ARPP19: variants seen among roughly 807,000 people sequenced by gnomAD.
ARPP19 encodes the protein cAMP regulated phosphoprotein 19, also known as cAMP-regulated phosphoprotein 19.
ARPP19 carries 8 observed loss-of-function variants against 12.0 expected under a neutral mutation model. That is an observed-to-expected ratio of 0.67 (90% CI 0.39 to 1.21). The LOEUF (loss-of-function observed/expected upper bound fraction) is 1.21, where lower values mean the gene tolerates loss of function less well. ARPP19 is among the 50% of genes most tolerant of loss of function. The pLI, the probability that ARPP19 is intolerant of heterozygous loss-of-function variation, is 0.01. For synonymous variants in ARPP19, 47 were observed against 50.4 expected (o/e 0.93, Z 0.29); for missense variants, 102 against 136.3 (o/e 0.75, Z 1.25).
At chr15:52,566,479 T>G (rs2078083261) in intron 1 of ARPP19, among the ~76,000 whole-genome samples, 1 of 152,164 alleles carries the variant, frequency 6.6e-6, no homozygotes, top group African/African-American at 2.4e-5. Flanking sequence ...TAAAAAATAT[T>G]TTAAAAGTAG....
chr15:52,548,068 A>AT lies in ARPP19; in HGVS notation c.*3865dup, dbSNP rs1181976739. 1 of 152,238 alleles carries AT rather than the reference A, an allele frequency of 6.6e-6. No homozygotes were observed. The highest frequency in any genetic ancestry group is 2.4e-5 in the African/African-American group (1 of 41,460). The allele number at this position is 152,238 out of a possible 1,614,324, so 9.4% of individuals were successfully genotyped here. ...CCTGCTTCTGATCACCCAAACACCA[A>AT]TTTTAGAGCAGAGGAGCAGTAATCC... On this transcript the variant is annotated 3_prime_UTR_variant, in exon 3 of 3. Transcript: ENST00000249822.
intron 2 of ARPP19, among the ~76,000 whole-genome samples, chr15:52,552,476 T>A: frequency 6.7e-6 from 1 of 150,198 alleles, no homozygotes; most frequent in Non-Finnish European, 1.5e-5. Context: ...TAACTCCAGC[T>A]ACTCCAGAGG....
chr15:52,547,517 A>G lies in ARPP19; in HGVS notation c.*4417T>C, dbSNP rs984665048. ...CGATTTAGTTGAAAAATAACATAAT[A>G]CAAACATATATTAATGGCTATCAAG... On this transcript the variant is annotated 3_prime_UTR_variant, in exon 3 of 3. Coordinates refer to ENST00000249822, the MANE Select transcript of ARPP19 (RefSeq NM_006628.6). 2.6e-5 allele frequency: 4 copies of G among 152,240 alleles called. No individual in the cohort carries two copies. Among genetic ancestry groups the G allele is most frequent in the African/African-American group, 9.6e-5 (4 of 41,456 alleles). 9.4% of individuals were successfully genotyped at this position (152,240 alleles called of 1,614,324 possible). A position where few individuals can be genotyped will look rare whatever the true frequency, so the allele number is the denominator to read the frequency against.
rs761292413 is a variant in ARPP19 at position 52,564,187 on chromosome 15, T to C, written c.45+4661A>G. On this transcript the variant is annotated intron_variant, in intron 1 of 2. Transcript: ENST00000249822. ...AACATTTAAAAACTTTTCTGAGGTTTACCTCTAGGCTGTTAGGAATCGATG... is the reference window on the plus strand; with the variant it reads ...AACATTTAAAAACTTTTCTGAGGTTCACCTCTAGGCTGTTAGGAATCGATG... 19 of 1,529,990 alleles carry C rather than the reference T, an allele frequency of 1.2e-5. No homozygotes were observed. In the South Asian group the frequency reaches 2.0e-4, roughly 16 times the overall value. The allele number at this position is 1,529,990 out of a possible 1,614,324, so 94.8% of individuals were successfully genotyped here. A position where few individuals can be genotyped will look rare whatever the true frequency, so the allele number is the denominator to read the frequency against.
Position 52,547,052 on chromosome 15 carries a change from C to T in ARPP19, c.*4882G>A, listed in dbSNP as rs1382643885. 5 of 148,262 alleles carry T rather than the reference C, an allele frequency of 3.4e-5. No homozygotes were observed. Among genetic ancestry groups the T allele is most frequent in the African/African-American group, 1.2e-4 (5 of 40,270 alleles). 9.2% of individuals were successfully genotyped at this position (148,262 alleles called of 1,614,324 possible). On this transcript the variant is annotated 3_prime_UTR_variant, in exon 3 of 3. Coordinates refer to ENST00000249822, the MANE Select transcript of ARPP19 (RefSeq NM_006628.6). ...AAATAAGATGAAAAAGACTCACAAT[C>T]TGCAAACATTTAATCCTACCTTAAG...
At chr15:52,566,929 T>A (rs1184269804) in intron 1 of ARPP19, among the ~76,000 whole-genome samples, 1 of 152,070 alleles carries the variant, frequency 6.6e-6, no homozygotes, top group African/African-American at 2.4e-5. Flanking sequence ...TCTACCTTAA[T>A]TCTTTAGCGG....
chr15:52,556,665 A>G (rs923796797), intron 2 of ARPP19, among the ~76,000 whole-genome samples: 1 of 152,190 alleles, frequency 6.6e-6, no homozygotes, highest in African/African-American at 2.4e-5. Context: ...AAGTTTCAAA[A>G]TATGGGCAGA....
chr15:52,558,839 G>A (rs2078007003), intron 1 of ARPP19, among the ~76,000 whole-genome samples: 1 of 151,534 alleles, frequency 6.6e-6, no homozygotes, highest in Admixed American at 6.6e-5. Context: ...TACCCACGGG[G>A]GGGAAAAAAT....
chr15:52,552,752 T>C (rs1249879864), intron 2 of ARPP19, among the ~76,000 whole-genome samples: 1 of 152,148 alleles, frequency 6.6e-6, no homozygotes, highest in Non-Finnish European at 1.5e-5. Flanking sequence ...GGTGAAACAC[T>C]TGCTTAAATT....
In ARPP19 at chr15:52,552,541, T is replaced by C. The variant is rs192505371; in HGVS notation, c.169-437A>G. Among the ~76,000 whole-genome samples the C allele has an allele frequency of 4.9e-3, 687 of 139,592 alleles. 7 individuals carry two copies. Among genetic ancestry groups the C allele is most frequent in the African/African-American group, 0.018 (646 of 35,394 alleles). The allele number at this position is 139,592 out of a possible 152,430, so 91.6% of individuals were successfully genotyped here. A position where few individuals can be genotyped will look rare whatever the true frequency, so the allele number is the denominator to read the frequency against. On this transcript the variant is annotated intron_variant, in intron 2 of 2. Coordinates refer to ENST00000249822, the MANE Select transcript of ARPP19 (RefSeq NM_006628.6). ...AGGTGGAGGCTGCAGTGAGCCAAGA[T>C]TGCCCCACTGCACTCCAGCCTGGGC...
intron 1 of ARPP19, among the ~76,000 whole-genome samples, chr15:52,561,024 C>T (rs192574898): frequency 1.3e-5 from 2 of 152,210 alleles, no homozygotes; most frequent in African/African-American, 2.4e-5. Flanking sequence ...TAATTTGTAA[C>T]CTTATTCCCT....
At position 52,547,994 on chromosome 15, in the gene ARPP19, C is replaced by T. The variant is rs931729825; in HGVS notation, c.*3940G>A. 1.0e-4 allele frequency: 15 copies of T among 149,868 alleles called. No homozygotes were observed. The highest frequency in any genetic ancestry group is 3.4e-4 in the African/African-American group (14 of 40,882). 9.3% of individuals were successfully genotyped at this position (149,868 alleles called of 1,614,324 possible). On this transcript the variant is annotated 3_prime_UTR_variant, in exon 3 of 3. Coordinates refer to ENST00000249822, the MANE Select transcript of ARPP19 (RefSeq NM_006628.6). ...TTGAACATTGGAGAATGTGAAAAGG[C>T]CACCAAACTGCTTTAGTTATCACTC...
rs2141711369 is a variant in ARPP19 at position 52,547,562 on chromosome 15, A to AT, written c.*4371dup. The AT allele has an allele frequency of 1.3e-5, 2 of 152,372 alleles. No individual in the cohort carries two copies. Among genetic ancestry groups the AT allele is most frequent in the South Asian group, 4.1e-4 (2 of 4,830 alleles). The allele number at this position is 152,372 out of a possible 1,614,324, so 9.4% of individuals were successfully genotyped here. A position where few individuals can be genotyped will look rare whatever the true frequency, so the allele number is the denominator to read the frequency against. On this transcript the variant is annotated 3_prime_UTR_variant, in exon 3 of 3. Transcript: ENST00000249822. ...ATCAAGACCAGCAGTGATCTGCAGA[A>AT]TACCTAGAGGCCTACCTAATTAGAA...
intron 1 of ARPP19, among the ~76,000 whole-genome samples, chr15:52,563,174 A>G (rs897711391): frequency 2.0e-5 from 3 of 152,142 alleles, no homozygotes; most frequent in Non-Finnish European, 4.4e-5. Context: ...GTGAAGAAGT[A>G]TTTTTTATGA....
intron 1 of ARPP19, among the ~76,000 whole-genome samples, chr15:52,567,343 A>G (rs1283117182): frequency 6.6e-6 from 1 of 152,234 alleles, no homozygotes; most frequent in East Asian, 1.9e-4. Flanking sequence ...AAGTAAAAGT[A>G]TTTACACTCT....
rs1461873882 is a variant in ARPP19 at position 52,562,731 on chromosome 15, G to A, written c.46-5509C>T. 3.9e-5 allele frequency among the ~76,000 whole-genome samples: 6 copies of A among 152,090 alleles called. No individual in the cohort carries two copies. The East Asian group carries it at 1.2e-3, about 29-fold the overall frequency. The stretch of plus-strand genomic sequence containing the variant: ...TCAGAGAAGAAAGCTAAATCTCAAT[G>A]AGCGATGCATCCAATTTAAGAAGTT... On this transcript the variant is annotated intron_variant, in intron 1 of 2. Coordinates refer to ENST00000249822, the MANE Select transcript of ARPP19 (RefSeq NM_006628.6).
At chr15:52,552,837 A>G (rs1465266053) in intron 2 of ARPP19, among the ~76,000 whole-genome samples, 1 of 152,126 alleles carries the variant, frequency 6.6e-6, no homozygotes, top group Admixed American at 6.6e-5. Flanking sequence ...TGGGAGGCCG[A>G]GTTGGGTGGA....
At chr15:52,557,380 C>A in intron 1 of ARPP19, 158 bp from the exon 2 acceptor site, 1 of 614,764 alleles carries the variant, frequency 1.6e-6, no homozygotes, top group South Asian at 2.1e-5. Context: ...ACATCTCTAT[C>A]TTGTTTTTCA....
chr15:52,567,831 A>AT (rs1486522006), intron 1 of ARPP19, among the ~76,000 whole-genome samples: 1 of 152,170 alleles, frequency 6.6e-6, no homozygotes, highest in Non-Finnish European at 1.5e-5. Flanking sequence ...TAATTAGGAC[A>AT]TAAGTGCAAC....
Sources: gnomAD v4.1 joint callset for allele counts (sites outside exome capture counted in the v4.1 genomes callset) on GRCh38, gnomAD v4.1.1 for gene constraint, MANE v1.5 for transcripts, NCBI Gene and HGNC (gene_info 2026-07-23, HGNC 2026-07-21) for gene names.